The following SATB2 variants were observed in gnomAD, a reference collection of about 807,000 sequenced individuals.
The protein encoded by SATB2 is SATB homeobox 2.
Under a neutral mutation model 73.4 loss-of-function variants are expected in SATB2, and 1 was observed. That is an observed-to-expected ratio of 0.01 (90% CI 0.00 to 0.06). SATB2 has a LOEUF of 0.06. SATB2 is among the 10% of genes least tolerant of loss of function. The probability of loss-of-function intolerance (pLI) is 1.00; values close to 1 mark genes in which losing one functional copy is unlikely to be tolerated. For missense variants in SATB2, 459 were observed against 945.8 expected, an observed-to-expected ratio of 0.49 and a Z score of 6.75; for synonymous variants, 397 against 367.0, an observed-to-expected ratio of 1.08 and a Z score of -0.93.
chr2:199,355,356 A>ATATATATATATATATT (rs1688949570), intron 6 of SATB2, among the ~76,000 whole-genome samples: 1 of 25,960 alleles, frequency 3.9e-5, no homozygotes, highest in Non-Finnish European at 2.7e-4. Flanking sequence ...ATCTATATAT[A>ATATATATATATATATT]TATATATATA....
intron 2 of SATB2, among the ~76,000 whole-genome samples, chr2:199,446,840 C>T (rs73067568): frequency 0.021 from 3,128 of 152,256 alleles, 114 homozygotes; most frequent in African/African-American, 0.07. Context: ...ATGAGACCTC[C>T]ACCAGGAGGA....
At chr2:199,286,319 C>T (rs1035115377) in intron 10 of SATB2, among the ~76,000 whole-genome samples, 2 of 152,174 alleles carry the variant, frequency 1.3e-5, no homozygotes, top group African/African-American at 4.8e-5. Flanking sequence ...TGAGGAAAAG[C>T]ATGGACACAT....
intron 2 of SATB2, among the ~76,000 whole-genome samples, chr2:199,439,288 C>A (rs567230002): frequency 1.3e-5 from 2 of 152,364 alleles, no homozygotes; most frequent in South Asian, 4.1e-4. Context: ...ATGACAGGAG[C>A]CAGTTTGAGA....
chr2:199,321,475 C>T (rs1574503634), intron 9 of SATB2, among the ~76,000 whole-genome samples: 1 of 150,396 alleles, frequency 6.6e-6, no homozygotes, highest in South Asian at 2.1e-4. Context: ...TATATGTATA[C>T]ACATACATGT....
rs559421629 is a variant in SATB2 at position 199,334,015 on chromosome 2, C to T, written c.1174-5105G>A. On this transcript the variant is annotated intron_variant, in intron 7 of 10. Coordinates refer to ENST00000417098, the MANE Select transcript of SATB2 (RefSeq NM_001172509.2). ...TTGAAATGAGAGGTAGAACTGGTAA[C>T]TTGCAATGCTCATCTATTTACTAAA... Among the ~76,000 whole-genome samples, 33 of 152,218 alleles carry T rather than the reference C, an allele frequency of 2.2e-4. No homozygotes were observed. In the South Asian group the frequency reaches 6.6e-3, roughly 31 times the overall value.
At chr2:199,275,115 T>C (rs1692272526) in intron 10 of SATB2, among the ~76,000 whole-genome samples, 1 of 152,334 alleles carries the variant, frequency 6.6e-6, no homozygotes, top group African/African-American at 2.4e-5. Flanking sequence ...GCTTGCCTTC[T>C]GTAGTAAAAG....
intron 3 of SATB2, among the ~76,000 whole-genome samples, chr2:199,413,016 A>G (rs1285292791): frequency 6.6e-6 from 1 of 152,244 alleles, no homozygotes. Flanking sequence ...AGAAAACACC[A>G]GTGCCAAGGA....
chr2:199,381,833 GA>G lies in SATB2; in HGVS notation c.347-14del, dbSNP rs1430586739. 6.2e-7 allele frequency: 1 copy of G among 1,613,790 alleles called. No individual in the cohort carries two copies. Among genetic ancestry groups the G allele is most frequent in the South Asian group, 1.1e-5 (1 of 91,070 alleles). The stretch of plus-strand genomic sequence containing the variant: ...AGCTTGATTATTCCTGCACAGGGAA[GA>G]AAAACATAATAAACACATATCTGCT... On this transcript the variant is annotated splice_polypyrimidine_tract_variant and intron_variant, in intron 3 of 10. Coordinates refer to ENST00000417098, the MANE Select transcript of SATB2 (RefSeq NM_001172509.2).
intron 10 of SATB2, among the ~76,000 whole-genome samples, chr2:199,279,039 A>C (rs2105718680): frequency 6.6e-6 from 1 of 152,376 alleles, no homozygotes; most frequent in African/African-American, 2.4e-5. Context: ...AGGAATAAAC[A>C]AATAGAAAGT....
intron 3 of SATB2, among the ~76,000 whole-genome samples, chr2:199,415,905 C>G (rs77517626): frequency 0.013 from 1,909 of 152,328 alleles, 46 homozygotes; most frequent in African/African-American, 0.044. Context: ...CTGTCCTTCT[C>G]TGTAAGGTTG....
intron 10 of SATB2, among the ~76,000 whole-genome samples, chr2:199,298,363 C>A (rs866158301): frequency 6.6e-6 from 1 of 152,204 alleles, no homozygotes; most frequent in Non-Finnish European, 1.5e-5. Flanking sequence ...TCTATCCAAA[C>A]ACCTCGCCAT....
chr2:199,294,398 A>G (rs1357307084), intron 10 of SATB2, among the ~76,000 whole-genome samples: 1 of 152,196 alleles, frequency 6.6e-6, no homozygotes, highest in East Asian at 1.9e-4. Context: ...CTATTGAAGA[A>G]TTGTCAACTG....
intron 3 of SATB2, among the ~76,000 whole-genome samples, chr2:199,427,082 T>C (rs1484687541): frequency 6.6e-6 from 1 of 152,148 alleles, no homozygotes; most frequent in East Asian, 1.9e-4. Flanking sequence ...TTTGCCATGT[T>C]CACCAGACTG....
intron 10 of SATB2, among the ~76,000 whole-genome samples, chr2:199,300,545 T>C (rs1483524679): frequency 1.3e-5 from 2 of 152,008 alleles, no homozygotes; most frequent in African/African-American, 2.4e-5. Flanking sequence ...AAAGACAATA[T>C]ATATTAGCAA....
rs75798469 is a variant in SATB2, at chr2:199,277,197, G to A, written c.1741-4525C>T. Among the ~76,000 whole-genome samples, 1,308 of 152,260 alleles carry A rather than the reference G, an allele frequency of 8.6e-3. 26 individuals carry two copies. Among genetic ancestry groups the A allele is most frequent in the African/African-American group, 0.03 (1,241 of 41,544 alleles). On this transcript the variant is annotated intron_variant, in intron 10 of 10. Transcript: ENST00000417098. ...CCACTGAGGTTTACTGAGTGGAAGC[G>A]GGTGGAAGATAGCCTTCTGGGATGT...
At chr2:199,299,213 T>C (rs532942183) in intron 10 of SATB2, among the ~76,000 whole-genome samples, 7 of 152,332 alleles carry the variant, frequency 4.6e-5, no homozygotes, top group African/African-American at 9.6e-5. Context: ...GTGGACACAC[T>C]TATTATCTAT....
chr2:199,272,442 G>A lies in SATB2; in HGVS notation c.1971C>T (p.His657=). 6.2e-7 allele frequency: 1 copy of A among 1,614,214 alleles called. No homozygotes were observed. The highest frequency in any genetic ancestry group is 8.5e-7 in the Non-Finnish European group (1 of 1,180,036). ...GGTTCTGGAAGAACTTGATGATGGT[G>A]TGTTTGGGGAGATCCAGCTGAGCCG... is the stretch of plus-strand genomic sequence containing the variant. The part of the protein sequence containing the change: ...TLSAQLDLPK[H]TIIKFFQNQR... The change falls in exon 11 of 11, where the codon CAC becomes CAT. Residue 657 remains histidine, a synonymous_variant. Coordinates refer to ENST00000417098, the MANE Select transcript of SATB2 (RefSeq NM_001172509.2). This position sits in a 1 kb window ranked among gnomAD's most constrained non-coding sequence, Gnocchi z 6.7.
rs527828835 is a variant in SATB2, at chr2:199,310,071, G to A, written c.1543-1114C>T. On this transcript the variant is annotated intron_variant, in intron 9 of 10. Transcript: ENST00000417098. ...TGCATCAGCCAAGACAGCAACACCA[G>A]CTGTTCTCATTGTGCAGCCTCTTCC... Among the ~76,000 whole-genome samples the A allele has an allele frequency of 2.0e-5, 3 of 152,300 alleles. No individual in the cohort carries two copies. The South Asian group carries it at 6.2e-4, about 32-fold the overall frequency.
At chr2:199,383,016 G>T (rs766192662) in intron 3 of SATB2, among the ~76,000 whole-genome samples, 1 of 152,132 alleles carries the variant, frequency 6.6e-6, no homozygotes. Flanking sequence ...GTCAGGGCAC[G>T]TCCTGTCCAA....
Sources: gnomAD v4.1 joint callset for allele counts (sites outside exome capture counted in the v4.1 genomes callset) on GRCh38, gnomAD v4.1.1 for gene constraint, Gnocchi (gnomAD v3.1) non-coding constraint, MANE v1.5 for transcripts, NCBI Gene and HGNC (gene_info 2026-07-23, HGNC 2026-07-21) for gene names.